Variants in CNTN5 observed in about 807,000 individuals in gnomAD.
CNTN5 encodes contactin-5.
CNTN5 carries 77 observed loss-of-function variants against 129.1 expected under a neutral mutation model. The ratio of observed to expected loss-of-function variants is 0.60; its 90% CI spans 0.50 to 0.72. The LOEUF is 0.72. CNTN5 is among the 30% of genes least tolerant of loss of function. The pLI is 0.00. For synonymous variants in CNTN5, 509 were observed against 465.6 expected (o/e 1.09, Z -1.20); for missense variants, 1,478 against 1,328.8 (o/e 1.11, Z -1.75).
intron 20 of CNTN5, among the ~76,000 whole-genome samples, chr11:100,307,154 C>G (rs952235737): frequency 1.3e-5 from 2 of 151,280 alleles, no homozygotes; most frequent in African/African-American, 4.9e-5. Flanking sequence ...AAGGAAAGAC[C>G]TCAGAAAATG....
chr11:100,115,298 C>T (rs1032250503), intron 13 of CNTN5, among the ~76,000 whole-genome samples: 6 of 151,964 alleles, frequency 3.9e-5, no homozygotes, highest in Non-Finnish European at 8.8e-5. Context: ...TTCCCATCAA[C>T]TATTAAGACT....
chr11:99,433,996 A>C (rs1466159943), intron 2 of CNTN5, among the ~76,000 whole-genome samples: 1 of 152,150 alleles, frequency 6.6e-6, no homozygotes, highest in African/African-American at 2.4e-5. Flanking sequence ...ACTTGTCAGA[A>C]GATACAGTGA....
At chr11:99,966,135 C>T (rs1364204548) in intron 8 of CNTN5, among the ~76,000 whole-genome samples, 2 of 152,168 alleles carry the variant, frequency 1.3e-5, no homozygotes, top group South Asian at 2.1e-4. Flanking sequence ...TAAAAAAAAT[C>T]ATTTCAAGAA....
intron 3 of CNTN5, among the ~76,000 whole-genome samples, chr11:99,776,580 T>C (rs1476708679): frequency 1.3e-5 from 2 of 151,844 alleles, no homozygotes; most frequent in Admixed American, 1.3e-4. Flanking sequence ...TTTCCATAAC[T>C]TTCTCCGTCT....
At chr11:100,194,838 T>G (rs1464404690) in intron 15 of CNTN5, among the ~76,000 whole-genome samples, 1 of 151,970 alleles carries the variant, frequency 6.6e-6, no homozygotes, top group Non-Finnish European at 1.5e-5. Context: ...TTGTTGCATT[T>G]TCCAATGTAA....
At chr11:100,182,986 A>T (rs1198974041) in intron 13 of CNTN5, among the ~76,000 whole-genome samples, 1 of 152,156 alleles carries the variant, frequency 6.6e-6, no homozygotes, top group Non-Finnish European at 1.5e-5. Flanking sequence ...CTCACCAAAG[A>T]CAATATGCAG....
chr11:99,842,094 C>T (rs1947525781), intron 4 of CNTN5, among the ~76,000 whole-genome samples: 2 of 151,898 alleles, frequency 1.3e-5, no homozygotes, highest in African/African-American at 4.8e-5. Flanking sequence ...AGGGTTTCAC[C>T]GTGTTGGCCA....
chr11:99,938,731 A>T (rs1016805365), intron 7 of CNTN5, among the ~76,000 whole-genome samples: 2 of 152,122 alleles, frequency 1.3e-5, no homozygotes, highest in African/African-American at 4.8e-5. Context: ...GCCGCAATCT[A>T]CATACTTTAC....
Position 99,786,318 on chromosome 11 carries a change from A to G in CNTN5, c.56-33226A>G, listed in dbSNP as rs565750350. Among the ~76,000 whole-genome samples the G allele has an allele frequency of 2.6e-5, 4 of 152,260 alleles. No individual in the cohort carries two copies. The East Asian group carries it at 5.8e-4, about 22-fold the overall frequency. On this transcript the variant is annotated intron_variant, in intron 3 of 24. Coordinates refer to ENST00000524871, the MANE Select transcript of CNTN5 (RefSeq NM_014361.4). Reference sequence around the variant, plus strand: ...TACAAGGGATGTGAAGGACCTCTTCAAGGAGAACTACAAACCGCTGCTCAA... The same window carrying G: ...TACAAGGGATGTGAAGGACCTCTTCGAGGAGAACTACAAACCGCTGCTCAA...
chr11:99,168,003 TGG>T (rs1860958821), intron 1 of CNTN5, among the ~76,000 whole-genome samples: 2 of 151,944 alleles, frequency 1.3e-5, no homozygotes, highest in South Asian at 4.1e-4. Context: ...TGATGTGATC[TGG>T]GTTCACTGCC....
At chr11:99,925,462 C>T (rs894281204) in intron 7 of CNTN5, among the ~76,000 whole-genome samples, 1 of 152,150 alleles carries the variant, frequency 6.6e-6, no homozygotes, top group African/African-American at 2.4e-5. Flanking sequence ...ATTGTAAACA[C>T]TCTAACATAT....
intron 13 of CNTN5, among the ~76,000 whole-genome samples, chr11:100,121,022 G>C (rs1946003067): frequency 6.6e-6 from 1 of 151,638 alleles, no homozygotes; most frequent in South Asian, 2.1e-4. Flanking sequence ...ATTCCAAAAA[G>C]GCAGATTAAT....
At chr11:99,472,448 T>C (rs1193576635) in intron 2 of CNTN5, among the ~76,000 whole-genome samples, 1 of 152,172 alleles carries the variant, frequency 6.6e-6, no homozygotes, top group Non-Finnish European at 1.5e-5. Context: ...AATCACCTGA[T>C]GCTATGTTTC....
intron 3 of CNTN5, among the ~76,000 whole-genome samples, chr11:99,585,619 A>C (rs1444123550): frequency 2.0e-5 from 3 of 152,138 alleles, no homozygotes; most frequent in Admixed American, 2.0e-4. Flanking sequence ...GATAGATATA[A>C]CTCACCTAAA....
chr11:99,752,062 G>A (rs369193086), intron 3 of CNTN5, among the ~76,000 whole-genome samples: 1 of 149,320 alleles, frequency 6.7e-6, no homozygotes, highest in Non-Finnish European at 1.5e-5. Context: ...AGAACTGTAA[G>A]AAAAAAAAAA....
At chr11:99,940,509 A>T (rs1268411256) in intron 7 of CNTN5, among the ~76,000 whole-genome samples, 1 of 152,152 alleles carries the variant, frequency 6.6e-6, no homozygotes, top group Admixed American at 6.6e-5. Flanking sequence ...CTCCTACATC[A>T]TTTAATCATA....
chr11:99,477,523 A>G (rs1945420681), intron 2 of CNTN5, among the ~76,000 whole-genome samples: 1 of 152,038 alleles, frequency 6.6e-6, no homozygotes, highest in Non-Finnish European at 1.5e-5. Flanking sequence ...AAAATTTCAC[A>G]TATATAGAGA....
intron 1 of CNTN5, among the ~76,000 whole-genome samples, chr11:99,136,708 A>G (rs1189812051): frequency 6.6e-6 from 1 of 152,162 alleles, no homozygotes; most frequent in African/African-American, 2.4e-5. Flanking sequence ...GGAAGAGGAA[A>G]TGGCCATATA....
At chr11:99,487,442 A>G (rs1945860937) in intron 2 of CNTN5, among the ~76,000 whole-genome samples, 1 of 152,218 alleles carries the variant, frequency 6.6e-6, no homozygotes, top group Non-Finnish European at 1.5e-5. Flanking sequence ...TGATGCCAAG[A>G]TCTTATCAGT....
Sources: gnomAD v4.1 joint callset for allele counts (sites outside exome capture counted in the v4.1 genomes callset) on GRCh38, gnomAD v4.1.1 for gene constraint, MANE v1.5 for transcripts, NCBI Gene and HGNC (gene_info 2026-07-23, HGNC 2026-07-21) for gene names.